Variants in SYNE2 observed in about 807,000 individuals in gnomAD.
SYNE2 encodes nesprin-2.
SYNE2 carries 431 observed loss-of-function variants against 856.3 expected under a neutral mutation model. The ratio of observed to expected loss-of-function variants is 0.50; its 90% CI spans 0.47 to 0.55. SYNE2 has a LOEUF of 0.55. Among genes scored for constraint, SYNE2 ranks in the 20% least tolerant of loss-of-function variants. SYNE2 has a pLI of 0.00. For missense variants in SYNE2, 8,129 were observed against 8,023.2 expected (o/e 1.01, Z -0.50); for synonymous variants, 2,923 against 2,872.3 (o/e 1.02, Z -0.56).
At position 64,089,471 on chromosome 14, in the gene SYNE2, A is replaced by G. The variant is rs969256331; in HGVS notation, c.11671-103A>G. On this transcript the variant is annotated intron_variant, in intron 58 of 115. Transcript: ENST00000555002. ...TTTTTCAGAGGTATAGATGGCAGACATTATTTGGCTAAATAAGAGAATAAA... is the reference window on the plus strand; with the variant it reads ...TTTTTCAGAGGTATAGATGGCAGACGTTATTTGGCTAAATAAGAGAATAAA... 40 of 1,129,852 alleles carry G rather than the reference A, an allele frequency of 3.5e-5. No individual in the cohort carries two copies. The African/African-American group carries it at 5.1e-4, about 14-fold the overall frequency. The allele number at this position is 1,129,852 out of a possible 1,614,324, so 70.0% of individuals were successfully genotyped here.
chr14:63,790,961 G>A (rs2356995), intron 1 of SYNE2, among the ~76,000 whole-genome samples: 79,987 of 151,464 alleles, frequency 0.53, 21,984 homozygotes, highest in South Asian at 0.65. Flanking sequence ...ATAGCTACCA[G>A]AAGAATTTTT....
At chr14:63,960,382 T>C (rs2096294318) in intron 8 of SYNE2, among the ~76,000 whole-genome samples, 1 of 152,160 alleles carries the variant, frequency 6.6e-6, no homozygotes, top group South Asian at 2.1e-4. Flanking sequence ...GTTGTATTTG[T>C]TTATTTGTTT....
chr14:64,215,958 C>T, intron 107 of SYNE2: 1 of 1,352,920 alleles, frequency 7.4e-7, no homozygotes, highest in Non-Finnish European at 9.6e-7. Context: ...CCAGACCCGG[C>T]CTTGCCACTC....
chr14:64,091,191 A>C, intron 60 of SYNE2, 143 bp downstream of exon 60: 1 of 761,878 alleles, frequency 1.3e-6, no homozygotes, highest in Non-Finnish European at 2.2e-6. Flanking sequence ...CTTCATGCTC[A>C]AATGGAGCTA....
At chr14:63,794,517 T>C (rs1887851406) in intron 1 of SYNE2, among the ~76,000 whole-genome samples, 13 of 152,042 alleles carry the variant, frequency 8.6e-5, no homozygotes, top group Admixed American at 8.5e-4. Context: ...AATATCCTAT[T>C]CTCAAAAACG....
chr14:64,028,274 G>GACAGAGA, intron 43 of SYNE2, among the ~76,000 whole-genome samples: 1 of 151,550 alleles, frequency 6.6e-6, no homozygotes, highest in East Asian at 1.9e-4. Context: ...TTTATTTTTA[G>GACAGAGA]AGACAGTGTC....
At chr14:64,220,411 A>G (rs974529784) in intron 110 of SYNE2, 26 bp from the exon 111 acceptor site, 2 of 1,613,562 alleles carry the variant, frequency 1.2e-6, no homozygotes, top group Non-Finnish European at 8.5e-7. Flanking sequence ...CAGAGCTCCT[A>G]ACCTCATCTT....
At chr14:64,191,433 G>A (rs1341541159) in intron 99 of SYNE2, among the ~76,000 whole-genome samples, 7 of 152,128 alleles carry the variant, frequency 4.6e-5, no homozygotes, top group East Asian at 1.9e-4. Context: ...GAGGGGCTGC[G>A]TTCCCAGATG....
intron 1 of SYNE2, 144 bp from the exon 2 acceptor site, chr14:63,908,954 C>T: frequency 5.2e-6 from 3 of 574,586 alleles, no homozygotes; most frequent in Non-Finnish European, 3.2e-6. Context: ...TTACTTTGTT[C>T]TTCATGAACC....
At chr14:64,109,684 C>G (rs1228080933) in intron 65 of SYNE2, among the ~76,000 whole-genome samples, 1 of 152,154 alleles carries the variant, frequency 6.6e-6, no homozygotes, top group Non-Finnish European at 1.5e-5. Flanking sequence ...AGGAATTTGT[C>G]CACTTCTGAT....
intron 99 of SYNE2, among the ~76,000 whole-genome samples, chr14:64,197,549 A>G (rs763614651): frequency 3.3e-5 from 5 of 152,174 alleles, no homozygotes; most frequent in Admixed American, 2.0e-4. Context: ...AGGTTTGACT[A>G]TTTGTTTATT....
At chr14:64,215,547 AGAGCCGTCTC>A (rs559247833) in intron 107 of SYNE2, 193 bp downstream of exon 107, 45 of 667,276 alleles carry the variant, frequency 6.7e-5, no homozygotes, top group Non-Finnish European at 1.1e-4. Flanking sequence ...CATCCAAGCC[AGAGCCGTCTC>A]GATGCCAACC....
At position 64,192,226 on chromosome 14, in the gene SYNE2, G is replaced by A. The variant is rs200441524; in HGVS notation, c.18038+1989G>A. Among the ~76,000 whole-genome samples, 6 of 151,998 alleles carry A rather than the reference G, an allele frequency of 3.9e-5. No individual in the cohort carries two copies. In the East Asian group the frequency reaches 7.7e-4, roughly 20 times the overall value. On this transcript the variant is annotated intron_variant, in intron 99 of 115. Transcript: ENST00000555002. ...AATGAGTAAATGTTTCAGTGCATTC[G>A]TTAAGAATAAGATAATTTCTGTGGG...
At chr14:63,979,331 T>C (rs149747732) in intron 14 of SYNE2, among the ~76,000 whole-genome samples, 30 of 152,354 alleles carry the variant, frequency 2.0e-4, no homozygotes, top group African/African-American at 6.0e-4. Flanking sequence ...ACTTGAAATG[T>C]TAATTTTTGT....
At chr14:64,081,777 C>T (rs1350424430) in intron 57 of SYNE2, among the ~76,000 whole-genome samples, 197 bp downstream of exon 57, 1 of 152,056 alleles carries the variant, frequency 6.6e-6, no homozygotes, top group Non-Finnish European at 1.5e-5. Flanking sequence ...CTCTTACTGT[C>T]CTGATAACTA....
chr14:63,881,279 A>G (rs974676652), intron 1 of SYNE2, among the ~76,000 whole-genome samples: 3 of 152,084 alleles, frequency 2.0e-5, no homozygotes, highest in Non-Finnish European at 4.4e-5. Context: ...ATACCCAGCC[A>G]AAGGAAACTT....
chr14:63,790,086 A>G (rs999446634), intron 1 of SYNE2, among the ~76,000 whole-genome samples: 2 of 152,196 alleles, frequency 1.3e-5, no homozygotes, highest in Admixed American at 6.6e-5. Context: ...TTGCTCAGCA[A>G]TTTGGAAGCC....
At chr14:63,818,591 G>A (rs1889096155) in intron 1 of SYNE2, among the ~76,000 whole-genome samples, 2 of 151,792 alleles carry the variant, frequency 1.3e-5, no homozygotes, top group Admixed American at 6.6e-5. Flanking sequence ...GTGATATAAA[G>A]CATCTACATA....
Position 63,993,846 on chromosome 14 carries a change from A to G in SYNE2, c.2658A>G (p.Ile886Met). 1 of 1,605,002 alleles carries G rather than the reference A, an allele frequency of 6.2e-7. No individual in the cohort carries two copies. The highest frequency in any genetic ancestry group is 8.5e-7 in the Non-Finnish European group (1 of 1,176,590). The part of the protein sequence containing the change: ...ELISKHKEAL[I>M]ISNTKSLAKY... ...TTTTTTTTTTTTAGGAAGCACTAAT[A>G]ATTTCTAATACAAAAAGTCTGGCCA... Residue 886 changes from isoleucine to methionine, a missense_variant, in exon 22 of 116, where the codon ATA becomes ATG. By Grantham distance (10) the Ile-to-Met change is conservative. Transcript: ENST00000555002.
Sources: gnomAD v4.1 joint callset for allele counts (sites outside exome capture counted in the v4.1 genomes callset) on GRCh38, gnomAD v4.1.1 for gene constraint, MANE v1.5 for transcripts, NCBI Gene and HGNC (gene_info 2026-07-23, HGNC 2026-07-21) for gene names.